Variants in MYT1L observed in about 807,000 individuals in gnomAD.
MYT1L encodes the protein myelin transcription factor 1 like.
Under a neutral mutation model 126.7 loss-of-function variants are expected in MYT1L, and 12 were observed. The ratio of observed to expected loss-of-function variants is 0.09; its 90% CI spans 0.06 to 0.15. The LOEUF is 0.15. Ranked by LOEUF, MYT1L falls within the 10% of genes least tolerant of loss-of-function variation. The probability of loss-of-function intolerance (pLI) is 1.00; values close to 1 mark genes in which losing one functional copy is unlikely to be tolerated. For missense variants in MYT1L, 979 were observed against 1,585.2 expected (o/e 0.62, Z 6.49); for synonymous variants, 541 against 604.2 (o/e 0.90, Z 1.53).
chr2:2,113,600 C>T (rs2079788638), intron 3 of MYT1L, among the ~76,000 whole-genome samples: 1 of 152,242 alleles, frequency 6.6e-6, no homozygotes, highest in African/African-American at 2.4e-5. Context: ...CTGCTGAAAA[C>T]TGGGCCACTT....
chr2:1,820,151 G>A (rs560319725), intron 21 of MYT1L, among the ~76,000 whole-genome samples: 1 of 152,296 alleles, frequency 6.6e-6, no homozygotes, highest in African/African-American at 2.4e-5. Context: ...AAGGGCTGGG[G>A]CTTGGTCACC....
At chr2:2,305,415 T>A (rs535062265) in intron 1 of MYT1L, among the ~76,000 whole-genome samples, 1 of 152,320 alleles carries the variant, frequency 6.6e-6, no homozygotes, top group Non-Finnish European at 1.5e-5. Flanking sequence ...CTCTTTTCCC[T>A]AAAAAAGTTA....
chr2:2,212,936 C>T (rs1157697492), intron 2 of MYT1L, among the ~76,000 whole-genome samples: 1 of 152,100 alleles, frequency 6.6e-6, no homozygotes, highest in African/African-American at 2.4e-5. Flanking sequence ...AGCAAGCTGG[C>T]CATCTGTCTT....
At chr2:2,234,162 C>T (rs1300353804) in intron 2 of MYT1L, among the ~76,000 whole-genome samples, 1 of 152,198 alleles carries the variant, frequency 6.6e-6, no homozygotes, top group Non-Finnish European at 1.5e-5. Context: ...TATTCTACTC[C>T]TTAAAAATTG....
At chr2:2,161,085 G>A (rs1263657917) in intron 3 of MYT1L, among the ~76,000 whole-genome samples, 1 of 152,072 alleles carries the variant, frequency 6.6e-6, no homozygotes, top group African/African-American at 2.4e-5. Context: ...GCCAGGCATG[G>A]TGGTGCGTTC....
rs1037455783 is a variant in MYT1L at position 1,979,289 on chromosome 2, C to T, written c.90-62G>A. On this transcript the variant is annotated intron_variant, in intron 7 of 24. Transcript: ENST00000647738. This position sits in a 1 kb window ranked among gnomAD's most constrained non-coding sequence, Gnocchi z 4.0. ...GCAGGCAGGTGAGACGGAAAGCTTC[C>T]GTGGCAGCAGAGAGAAGGAGGGCGG... 2.0e-5 allele frequency: 29 copies of T among 1,473,884 alleles called. No homozygotes were observed. The highest frequency in any genetic ancestry group is 1.8e-4 in the East Asian group (8 of 43,724). The allele number at this position is 1,473,884 out of a possible 1,614,324, so 91.3% of individuals were successfully genotyped here. A position where few individuals can be genotyped will look rare whatever the true frequency, so the allele number is the denominator to read the frequency against.
At chr2:1,795,221 T>A (rs1228847492) in intron 23 of MYT1L, among the ~76,000 whole-genome samples, 2 of 152,204 alleles carry the variant, frequency 1.3e-5, no homozygotes, top group African/African-American at 4.8e-5. Context: ...ATGGGAGTAA[T>A]GCTCCTTGCC....
intron 3 of MYT1L, among the ~76,000 whole-genome samples, chr2:2,121,993 CCT>C (rs1226790022): frequency 6.6e-6 from 1 of 152,148 alleles, no homozygotes; most frequent in East Asian, 1.9e-4. Context: ...TCCCCGCACC[CCT>C]GACCAGGGAA....
chr2:2,066,806 A>T (rs575070505), intron 3 of MYT1L, among the ~76,000 whole-genome samples: 1 of 152,378 alleles, frequency 6.6e-6, no homozygotes, highest in East Asian at 1.9e-4. Context: ...AAGCCTTGGC[A>T]GTCAGGGTGA....
chr2:1,813,919 C>T (rs201827902), intron 21 of MYT1L, among the ~76,000 whole-genome samples: 21 of 120,138 alleles, frequency 1.7e-4, no homozygotes, highest in South Asian at 1.2e-3. Context: ...CCCAGCTACT[C>T]GGGAGGCTGA....
Position 1,939,304 on chromosome 2 carries a change from C to T in MYT1L, c.505+3678G>A, listed in dbSNP as rs115698076. Among the ~76,000 whole-genome samples the T allele has an allele frequency of 3.2e-3, 489 of 152,294 alleles. 4 individuals carry two copies. The highest frequency in any genetic ancestry group is 0.011 in the African/African-American group (466 of 41,568). ...ATCGGTTGCTGGCCCAGGGACATAG[C>T]AGTCACTAAGAGTGTCACCCAAGGA... On this transcript the variant is annotated intron_variant, in intron 9 of 24. Transcript: ENST00000647738.
At chr2:2,124,854 T>A (rs1380958907) in intron 3 of MYT1L, among the ~76,000 whole-genome samples, 4 of 152,214 alleles carry the variant, frequency 2.6e-5, no homozygotes, top group African/African-American at 9.6e-5. Context: ...CAGGTGGGGC[T>A]GCCTAGAAGC....
At chr2:1,860,024 A>G (rs1398390593) in intron 18 of MYT1L, among the ~76,000 whole-genome samples, 4 of 152,236 alleles carry the variant, frequency 2.6e-5, no homozygotes, top group Non-Finnish European at 5.9e-5. Flanking sequence ...TTTCCCGACC[A>G]TGCAGCCTAG....
At chr2:1,908,018 A>G (rs1348466144) in intron 13 of MYT1L, among the ~76,000 whole-genome samples, 1 of 152,256 alleles carries the variant, frequency 6.6e-6, no homozygotes, top group Non-Finnish European at 1.5e-5. Flanking sequence ...CTCGCACTGC[A>G]GTGAGACTAG....
At chr2:1,816,286 G>GCC (rs1388976830) in intron 21 of MYT1L, 1 of 152,712 alleles carries the variant, frequency 6.5e-6, no homozygotes, top group Non-Finnish European at 1.5e-5. Flanking sequence ...TCTGAGCTAC[G>GCC]CTGTATGGAT....
intron 22 of MYT1L, among the ~76,000 whole-genome samples, chr2:1,802,222 A>C (rs2034981504): frequency 6.6e-6 from 1 of 152,192 alleles, no homozygotes; most frequent in South Asian, 2.1e-4. Context: ...GCTTGGAGCC[A>C]GGCTCTGCAG....
chr2:2,182,507 C>G (rs553534506), intron 2 of MYT1L, among the ~76,000 whole-genome samples: 2 of 152,092 alleles, frequency 1.3e-5, no homozygotes, highest in Non-Finnish European at 2.9e-5. Flanking sequence ...ATGTACCCCC[C>G]ACACTCTTTC....
At chr2:1,980,682 G>A (rs1384037467) in intron 5 of MYT1L, among the ~76,000 whole-genome samples, 4 of 152,128 alleles carry the variant, frequency 2.6e-5, no homozygotes, top group Admixed American at 2.6e-4. Flanking sequence ...GACCACCTGA[G>A]TTACCCAAGA....
Position 2,295,791 on chromosome 2 carries a change from CAGAGAGAG to C in MYT1L, c.-520-11296_-520-11289del, listed in dbSNP as rs200564543. Among the ~76,000 whole-genome samples the C allele has an allele frequency of 5.0e-5, 5 of 100,370 alleles. 1 individual carries two copies. Among genetic ancestry groups the C allele is most frequent in the South Asian group, 7.6e-4 (2 of 2,622 alleles). 65.8% of individuals were successfully genotyped at this position (100,370 alleles called of 152,430 possible). A position where few individuals can be genotyped will look rare whatever the true frequency, so the allele number is the denominator to read the frequency against. On this transcript the variant is annotated intron_variant, in intron 1 of 24. Coordinates refer to ENST00000647738, the MANE Select transcript of MYT1L (RefSeq NM_001303052.2). ...ACAGAGAGAGAGATAGAGAGACAGA[CAGAGAGAG>C]AGAGAGAGAGAGAGACAGAGGATGT... is the stretch of plus-strand genomic sequence containing the variant.
Sources: gnomAD v4.1 joint callset for allele counts (sites outside exome capture counted in the v4.1 genomes callset) on GRCh38, gnomAD v4.1.1 for gene constraint, Gnocchi (gnomAD v3.1) non-coding constraint, MANE v1.5 for transcripts, NCBI Gene and HGNC (gene_info 2026-07-23, HGNC 2026-07-21) for gene names.